LRRC37A2: variants seen among roughly 807,000 people sequenced by gnomAD.
LRRC37A2 encodes the protein leucine-rich repeat-containing protein 37A2.
LRRC37A2 carries 9 observed loss-of-function variants against 68.8 expected under a neutral mutation model. The observed-to-expected ratio is 0.13, with a 90% confidence interval of 0.08 to 0.23. The LOEUF (loss-of-function observed/expected upper bound fraction) is 0.23. Among genes scored for constraint, LRRC37A2 ranks in the 10% least tolerant of loss-of-function variants. The pLI is 1.00. For missense variants in LRRC37A2, 168 were observed against 950.4 expected, an observed-to-expected ratio of 0.18 and a Z score of 10.82; for synonymous variants, 63 against 367.6, an observed-to-expected ratio of 0.17 and a Z score of 9.48.
chr17:46,558,810 TC>T (rs1456799041), downstream of LRRC37A2: 2 of 127,744 alleles, frequency 1.6e-5, no homozygotes, highest in African/African-American at 6.2e-5. Flanking sequence ...TATATCAATC[TC>T]CCAGAAAAAG....
the LRRC37A2 span, chr17:46,963,851 C>G: frequency 6.6e-6 from 1 of 152,134 alleles, no homozygotes; most frequent in Non-Finnish European, 1.5e-5. Context: ...GCATCTTGCT[C>G]TGTTGCCCAG....
the LRRC37A2 span, among the ~76,000 whole-genome samples, chr17:47,006,840 C>A: frequency 6.6e-6 from 1 of 152,190 alleles, no homozygotes; most frequent in South Asian, 2.1e-4. Context: ...AAGCTGTGGG[C>A]AGAAAAGGAC....
At chr17:46,758,890 G>C in the LRRC37A2 span, among the ~76,000 whole-genome samples, 2 of 152,170 alleles carry the variant, frequency 1.3e-5, no homozygotes, top group Non-Finnish European at 2.9e-5. Flanking sequence ...CTGACAACTT[G>C]GTCCATAGCC....
At chr17:47,027,236 T>G in the LRRC37A2 span, among the ~76,000 whole-genome samples, 1 of 152,038 alleles carries the variant, frequency 6.6e-6, no homozygotes, top group Admixed American at 6.6e-5. Flanking sequence ...TATTAGAAAT[T>G]GTATATATAG....
At chr17:46,709,626 C>G in the LRRC37A2 span, among the ~76,000 whole-genome samples, 239 of 152,108 alleles carry the variant, frequency 1.6e-3, 2 homozygotes, top group African/African-American at 5.4e-3. Flanking sequence ...TCCCAAGTAG[C>G]TGGGATTACA....
the LRRC37A2 span, among the ~76,000 whole-genome samples, chr17:46,851,256 G>T: frequency 6.6e-6 from 1 of 152,044 alleles, no homozygotes; most frequent in Admixed American, 6.5e-5. The surrounding 1 kb of genome is among the most constrained non-coding windows in gnomAD (Gnocchi z 4.3). Flanking sequence ...CCCCATCCCG[G>T]AGAGGCAGAA....
chr17:46,755,930 C>T, the LRRC37A2 span: 1 of 1,066,766 alleles, frequency 9.4e-7, no homozygotes. Flanking sequence ...GGAACGTTCT[C>T]TACCTTCAAC....
At chr17:46,838,157 G>A in the LRRC37A2 span, among the ~76,000 whole-genome samples, 6 of 152,042 alleles carry the variant, frequency 3.9e-5, no homozygotes, top group African/African-American at 1.2e-4. Context: ...TGTGTCACTG[G>A]CCCTACTGTT....
chr17:46,760,448 T>C, the LRRC37A2 span, among the ~76,000 whole-genome samples: 1 of 150,436 alleles, frequency 6.6e-6, no homozygotes, highest in East Asian at 2.0e-4. Flanking sequence ...CTGAGCAACA[T>C]AGCAAGACCT....
At chr17:46,545,394 T>A (rs1428780887) in intron 8 of LRRC37A2, among the ~76,000 whole-genome samples, 1 of 130,044 alleles carries the variant, frequency 7.7e-6, no homozygotes, top group Non-Finnish European at 1.6e-5. Context: ...TGAGGCTGCA[T>A]TGAGGTATAA....
the LRRC37A2 span, among the ~76,000 whole-genome samples, chr17:46,501,428 G>A: frequency 2.6e-5 from 4 of 151,146 alleles, 1 homozygote; most frequent in African/African-American, 7.4e-5. Flanking sequence ...ACCCGCCTTC[G>A]CCTCCCAAAG....
the LRRC37A2 span, among the ~76,000 whole-genome samples, chr17:46,673,910 G>GTGTGTGT: frequency 5.7e-4 from 4 of 6,992 alleles, no homozygotes; most frequent in East Asian, 6.3e-3. Flanking sequence ...ATTCCATGGG[G>GTGTGTGT]GTGTGTGTGT....
the LRRC37A2 span, among the ~76,000 whole-genome samples, chr17:46,811,077 C>T: frequency 6.6e-6 from 1 of 152,122 alleles, no homozygotes; most frequent in South Asian, 2.1e-4. Context: ...GTGTCCCCAT[C>T]CTGACCCCTG....
At chr17:46,919,606 C>T in the LRRC37A2 span, among the ~76,000 whole-genome samples, 1 of 152,100 alleles carries the variant, frequency 6.6e-6, no homozygotes, top group Non-Finnish European at 1.5e-5. Flanking sequence ...TGATAGCTTC[C>T]AACTACCCGC....
At chr17:47,030,657 G>A in the LRRC37A2 span, among the ~76,000 whole-genome samples, 1 of 152,074 alleles carries the variant, frequency 6.6e-6, no homozygotes, top group Non-Finnish European at 1.5e-5. Flanking sequence ...CACACCAAGT[G>A]TATGTTAGGG....
the LRRC37A2 span, among the ~76,000 whole-genome samples, chr17:46,575,106 A>G: frequency 1.0e-5 from 1 of 100,244 alleles, no homozygotes; most frequent in African/African-American, 3.2e-5. Flanking sequence ...CAAAAAAAAA[A>G]AAAAAGAAAG....
chr17:46,851,007 A>G, the LRRC37A2 span, among the ~76,000 whole-genome samples: 1 of 152,120 alleles, frequency 6.6e-6, no homozygotes, highest in Non-Finnish European at 1.5e-5. This position sits in a 1 kb window ranked among gnomAD's most constrained non-coding sequence, Gnocchi z 4.3. Context: ...CCTCTGCCCA[A>G]GACTCTTTGC....
the LRRC37A2 span, among the ~76,000 whole-genome samples, chr17:47,022,927 A>G: frequency 4.0e-4 from 61 of 152,362 alleles, 2 homozygotes; most frequent in Admixed American, 3.5e-3. Flanking sequence ...TGTAGCATAG[A>G]TATCTAGAAA....
chr17:46,974,140 G>T, the LRRC37A2 span, among the ~76,000 whole-genome samples: 1 of 152,202 alleles, frequency 6.6e-6, no homozygotes, highest in Non-Finnish European at 1.5e-5. Context: ...TACTATCCCC[G>T]ACTCAGAGGA....
Sources: allele counts gnomAD v4.1 joint callset (sites outside exome capture counted in the v4.1 genomes callset), GRCh38; gene constraint gnomAD v4.1.1; non-coding constraint Gnocchi (gnomAD v3.1); transcripts MANE v1.5; gene names NCBI Gene and HGNC (gene_info 2026-07-23, HGNC 2026-07-21).